The following FOXK1 variants were observed in gnomAD, a reference collection of about 807,000 sequenced individuals.
FOXK1 encodes forkhead box K1.
In FOXK1, 19 loss-of-function variants were observed where a neutral mutation model predicts 51.9. The observed-to-expected ratio is 0.37, with a 90% CI of 0.26 to 0.54. The LOEUF (loss-of-function observed/expected upper bound fraction) is 0.54, where lower values mean the gene tolerates loss of function less well. Among genes scored for constraint, FOXK1 ranks in the 20% least tolerant of loss-of-function variants. FOXK1 has a pLI of 0.87. For synonymous variants in FOXK1, 537 were observed against 482.6 expected (o/e 1.11, Z -1.48); for missense variants, 870 against 1,032.7 (o/e 0.84, Z 2.16).
At chr7:4,724,143 C>A (rs1356041684) in intron 1 of FOXK1, among the ~76,000 whole-genome samples, 1 of 152,172 alleles carries the variant, frequency 6.6e-6, no homozygotes, top group Non-Finnish European at 1.5e-5. Context: ...GACCTCCGTG[C>A]TCCCAGCTGG....
chr7:4,688,806 T>C (rs1779853063), intron 1 of FOXK1, among the ~76,000 whole-genome samples: 3 of 152,168 alleles, frequency 2.0e-5, no homozygotes, highest in Admixed American at 1.3e-4. Flanking sequence ...AACTGGTTAC[T>C]AGACCCGGGG....
intron 5 of FOXK1, 51 bp downstream of exon 5, chr7:4,757,238 C>T: frequency 6.6e-7 from 1 of 1,512,128 alleles, no homozygotes; most frequent in Admixed American, 2.0e-5. Context: ...GCTGAGCTGC[C>T]CTGGAGTTTA....
Position 4,733,722 on chromosome 7 carries a change from C to T in FOXK1, c.561-7116C>T, listed in dbSNP as rs555856193. 1.3e-5 allele frequency among the ~76,000 whole-genome samples: 2 copies of T among 152,230 alleles called. No homozygotes were observed. The highest frequency in any genetic ancestry group is 2.1e-4 in the South Asian group (1 of 4,834). ...GGAACTGCATCCTGCAGGTATCGCT[C>T]GTGAAAACCGGCCTGGCGTCTTCTG... On this transcript the variant is annotated intron_variant, in intron 1 of 8. Transcript: ENST00000328914. This position sits in a 1 kb window ranked among gnomAD's most constrained non-coding sequence, Gnocchi z 5.0.
At chr7:4,685,026 C>A (rs951048642) in intron 1 of FOXK1, among the ~76,000 whole-genome samples, 53 of 151,996 alleles carry the variant, frequency 3.5e-4, no homozygotes, top group African/African-American at 1.2e-3. Context: ...AGATGCCCGC[C>A]CGCTGACTTG....
chr7:4,756,076 C>CA lies in FOXK1; in HGVS notation c.1050+695dup, dbSNP rs2115072251. 6.6e-6 allele frequency among the ~76,000 whole-genome samples: 1 copy of CA among 152,298 alleles called. No homozygotes were observed. Among genetic ancestry groups the CA allele is most frequent in the South Asian group, 2.1e-4 (1 of 4,826 alleles). On this transcript the variant is annotated intron_variant, in intron 4 of 8. Transcript: ENST00000328914. This position sits in a 1 kb window ranked among gnomAD's most constrained non-coding sequence, Gnocchi z 4.1. ...ATGTTGCATTTGCCTGTATTTTCTC[C>CA]AATGTCAGTGTAGCGCATCCACTAG...
chr7:4,760,900 T>A (rs1334775716), intron 7 of FOXK1, among the ~76,000 whole-genome samples, 164 bp from the exon 8 acceptor site: 1 of 152,126 alleles, frequency 6.6e-6, no homozygotes. Context: ...CCCTAGTAAT[T>A]TTCTTCCCAA....
At chr7:4,737,093 C>T (rs2115058613) in intron 1 of FOXK1, among the ~76,000 whole-genome samples, 1 of 151,762 alleles carries the variant, frequency 6.6e-6, no homozygotes, top group Admixed American at 6.6e-5. Context: ...TACGAAAAAA[C>T]ACCTCTTCAT....
rs116547118 is a variant in FOXK1, at chr7:4,708,452, T to C, written c.560+25584T>C. On this transcript the variant is annotated intron_variant, in intron 1 of 8. Transcript: ENST00000328914. ...GAAGAGACCACTTCCTTGGGAAAGG[T>C]TGATTAGGTTAAACTCTAACTTGAC... 3.3e-3 allele frequency among the ~76,000 whole-genome samples: 504 copies of C among 152,224 alleles called. 2 individuals carry two copies. The highest frequency in any genetic ancestry group is 0.012 in the African/African-American group (493 of 41,536).
chr7:4,722,711 G>A lies in FOXK1; in HGVS notation c.561-18127G>A, dbSNP rs1780330658. 6.6e-6 allele frequency among the ~76,000 whole-genome samples: 1 copy of A among 152,234 alleles called. No homozygotes were observed. The highest frequency in any genetic ancestry group is 2.4e-5 in the African/African-American group (1 of 41,480). The stretch of plus-strand genomic sequence containing the variant: ...AAGTCGTAGGAGACCCACCTCAGAT[G>A]CTCGGGTGCACATCTGGGGAGAGTC... On this transcript the variant is annotated intron_variant, in intron 1 of 8. Transcript: ENST00000328914. The surrounding 1 kb of genome is among the most constrained non-coding windows in gnomAD (Gnocchi z 5.1).
Position 4,768,168 on chromosome 7 carries a change from T to C in FOXK1, c.*5704T>C, listed in dbSNP as rs1466337588. ...TTTTTTTTGAGACGGAGTCTCGCTC[T>C]GTCGCCCAGGCTGGAGTGCAGTGGC... is the stretch of plus-strand genomic sequence containing the variant. On this transcript the variant is annotated 3_prime_UTR_variant, in exon 9 of 9. Coordinates refer to ENST00000328914, the MANE Select transcript of FOXK1 (RefSeq NM_001037165.2). 8.0e-6 allele frequency: 1 copy of C among 125,092 alleles called. No individual in the cohort carries two copies. The highest frequency in any genetic ancestry group is 1.6e-5 in the Non-Finnish European group (1 of 64,184). 7.7% of individuals were successfully genotyped at this position (125,092 alleles called of 1,614,324 possible). A position where few individuals can be genotyped will look rare whatever the true frequency, so the allele number is the denominator to read the frequency against.
rs1779760485 is a variant in FOXK1 at position 4,682,489 on chromosome 7, C to T, written c.181C>T (p.Pro61Ser). 9.9e-7 allele frequency: 1 copy of T among 1,008,748 alleles called. No homozygotes were observed. Among genetic ancestry groups the T allele is most frequent in the South Asian group, 4.5e-5 (1 of 22,372 alleles). 62.5% of individuals were successfully genotyped at this position (1,008,748 alleles called of 1,614,324 possible). ...GPPPPPPPPL[P>S]PGAIAGAGSS... The stretch of plus-strand genomic sequence containing the variant: ...GCCGCCGCCGCCGCCACCGCCGCTG[C>T]CTCCGGGCGCGATCGCGGGCGCGGG... The change falls in exon 1 of 9, where the codon CCT becomes TCT. Residue 61 changes from proline (P) to serine (S), a missense_variant. This residue lies in a region of FOXK1 where 399 missense variants were observed against 475.6 expected (regional missense o/e 0.84). Transcript: ENST00000328914. This position sits in a 1 kb window ranked among gnomAD's most constrained non-coding sequence, Gnocchi z 7.6.
Position 4,758,200 on chromosome 7 carries a change from C to A in FOXK1, c.1245-851C>A, listed in dbSNP as rs559153145. 6.6e-6 allele frequency: 1 copy of A among 152,262 alleles called. No individual in the cohort carries two copies. Among genetic ancestry groups the A allele is most frequent in the Non-Finnish European group, 1.5e-5 (1 of 68,056 alleles). The allele number at this position is 152,262 out of a possible 1,614,324, so 9.4% of individuals were successfully genotyped here. ...GGAGCCCACAACCGCCTTTGCTTTT[C>A]GCAGATGCTGGGAACGCAGCTCTGC... On this transcript the variant is annotated intron_variant, in intron 5 of 8. Coordinates refer to ENST00000328914, the MANE Select transcript of FOXK1 (RefSeq NM_001037165.2). The surrounding 1 kb of genome is among the most constrained non-coding windows in gnomAD (Gnocchi z 4.4).
In FOXK1 at chr7:4,748,525, C is replaced by T. The variant is rs545318046; in HGVS notation, c.747-5934C>T. ...CCTCTTCTCCCTTTACTGTGAAGGCCTTCCTCTGGGGCCCCTCTGACCATG... is the reference window on the plus strand; with the variant it reads ...CCTCTTCTCCCTTTACTGTGAAGGCTTTCCTCTGGGGCCCCTCTGACCATG... On this transcript the variant is annotated intron_variant, in intron 2 of 8. Transcript: ENST00000328914. The surrounding 1 kb of genome is among the most constrained non-coding windows in gnomAD (Gnocchi z 4.9). 6.6e-6 allele frequency among the ~76,000 whole-genome samples: 1 copy of T among 152,298 alleles called. No individual in the cohort carries two copies. Among genetic ancestry groups the T allele is most frequent in the Non-Finnish European group, 1.5e-5 (1 of 68,034 alleles).
chr7:4,727,606 G>C (rs577028954), intron 1 of FOXK1, among the ~76,000 whole-genome samples: 3 of 152,146 alleles, frequency 2.0e-5, no homozygotes, highest in African/African-American at 7.2e-5. Flanking sequence ...TAGCCACGGC[G>C]CCCGGCCTGA....
rs572650405 is a variant in FOXK1, at chr7:4,763,132, C to T, written c.*668C>T. ...TATTTTTGAGGATTTTACCTGTTGA[C>T]GTCTGATGACCGGCCGTAGGTCCAG... On this transcript the variant is annotated 3_prime_UTR_variant, in exon 9 of 9. Coordinates refer to ENST00000328914, the MANE Select transcript of FOXK1 (RefSeq NM_001037165.2). The T allele has an allele frequency of 2.6e-5, 4 of 152,732 alleles. No homozygotes were observed. Among genetic ancestry groups the T allele is most frequent in the South Asian group, 2.1e-4 (1 of 4,836 alleles). 9.5% of individuals were successfully genotyped at this position (152,732 alleles called of 1,614,324 possible).
At chr7:4,728,660 G>A (rs1780411068) in intron 1 of FOXK1, among the ~76,000 whole-genome samples, 2 of 147,412 alleles carry the variant, frequency 1.4e-5, no homozygotes, top group South Asian at 4.3e-4. Context: ...GGAGGCTGTG[G>A]CAGGAGGATC....
chr7:4,709,959 C>T lies in FOXK1; in HGVS notation c.560+27091C>T, dbSNP rs558818532. ...GTGTTAGGCGTTAACATTGTTCCCG[C>T]GTGAAGGGGTAGAAGAACAGGCAAA... On this transcript the variant is annotated intron_variant, in intron 1 of 8. Coordinates refer to ENST00000328914, the MANE Select transcript of FOXK1 (RefSeq NM_001037165.2). This position sits in a 1 kb window ranked among gnomAD's most constrained non-coding sequence, Gnocchi z 5.6. Among the ~76,000 whole-genome samples the T allele has an allele frequency of 3.3e-5, 5 of 152,272 alleles. No homozygotes were observed. The highest frequency in any genetic ancestry group is 4.1e-4 in the South Asian group (2 of 4,828).
rs559249418 is a variant in FOXK1, at chr7:4,758,359, G to C, written c.1245-692G>C. On this transcript the variant is annotated intron_variant, in intron 5 of 8. Coordinates refer to ENST00000328914, the MANE Select transcript of FOXK1 (RefSeq NM_001037165.2). The surrounding 1 kb of genome is among the most constrained non-coding windows in gnomAD (Gnocchi z 4.4). ...ACCGCCTGTGAGCGGTCTGGGCAGC[G>C]CTTCCCAGGTTGCCCATCAGATGAG... The C allele has an allele frequency of 2.8e-3, 429 of 152,464 alleles. 1 individual carries two copies. Among genetic ancestry groups the C allele is most frequent in the Non-Finnish European group, 4.7e-3 (319 of 68,144 alleles). The allele number at this position is 152,464 out of a possible 1,614,324, so 9.4% of individuals were successfully genotyped here.
chr7:4,685,578 A>G (rs926324319), intron 1 of FOXK1, among the ~76,000 whole-genome samples: 3 of 146,272 alleles, frequency 2.1e-5, no homozygotes, highest in Admixed American at 6.9e-5. Flanking sequence ...GTAGTCACAT[A>G]TGTAGAACAG....
Sources: gnomAD v4.1 joint callset for allele counts (sites outside exome capture counted in the v4.1 genomes callset) on GRCh38, gnomAD v4.1.1 for gene constraint, gnomAD v4.1.1 regional missense constraint, Gnocchi (gnomAD v3.1) non-coding constraint, MANE v1.5 for transcripts, NCBI Gene and HGNC (gene_info 2026-07-23, HGNC 2026-07-21) for gene names.